The following SGCD variants were observed in gnomAD, a reference collection of about 807,000 sequenced individuals.
SGCD encodes delta-sarcoglycan.
Under a neutral mutation model 36.6 loss-of-function variants are expected in SGCD, and 18 were observed. The ratio of observed to expected loss-of-function variants is 0.49; its 90% CI spans 0.34 to 0.73. SGCD has a LOEUF of 0.73. Among genes scored for constraint, SGCD ranks in the 30% least tolerant of loss-of-function variants. SGCD has a pLI of 0.01. For missense variants in SGCD, 387 were observed against 346.7 expected (o/e 1.12, Z -0.92); for synonymous variants, 133 against 130.6 (o/e 1.02, Z -0.12).
chr5:155,796,593 C>CG, the SGCD span, among the ~76,000 whole-genome samples: 1 of 151,476 alleles, frequency 6.6e-6, no homozygotes, highest in African/African-American at 2.4e-5. Flanking sequence ...CACCTGAGGT[C>CG]GGGAGTTTGA....
intron 7 of SGCD, among the ~76,000 whole-genome samples, chr5:156,750,656 A>G (rs1031262221): frequency 1.3e-5 from 2 of 151,990 alleles, no homozygotes; most frequent in Admixed American, 6.6e-5. Flanking sequence ...CAGAAAAAAA[A>G]AAAAAAGAAA....
At chr5:156,643,076 AGGCT>A (rs562047649) in intron 6 of SGCD, among the ~76,000 whole-genome samples, 85 of 135,438 alleles carry the variant, frequency 6.3e-4, no homozygotes, top group African/African-American at 2.4e-3. Flanking sequence ...CTTGTTGCCC[AGGCT>A]GGAGTGCAAA....
In SGCD at chr5:156,229,345, A is replaced by C. The variant is rs187548013; in HGVS notation, c.-43-100189A>C. On this transcript the variant is annotated intron_variant, in intron 3 of 9. Coordinates refer to the SGCD transcript ENST00000517913. The stretch of plus-strand genomic sequence containing the variant: ...TTCTTCCCTCTAGAGAACTCTGACT[A>C]ATTCAGGTGGCTTGGTAGTGGTGAA... Among the ~76,000 whole-genome samples, 95 of 124,448 alleles carry C rather than the reference A, an allele frequency of 7.6e-4. 2 individuals are homozygous for C. In the East Asian group the frequency reaches 0.022, roughly 29 times the overall value. The allele number at this position is 124,448 out of a possible 152,430, so 81.6% of individuals were successfully genotyped here.
chr5:155,954,121 C>T (rs190233703), intron 1 of SGCD, among the ~76,000 whole-genome samples: 1 of 152,162 alleles, frequency 6.6e-6, no homozygotes, highest in Non-Finnish European at 1.5e-5. Flanking sequence ...TAAAACTTGA[C>T]TCTTCTCCAT....
At chr5:156,402,413 T>C (rs1384381113) in intron 3 of SGCD, among the ~76,000 whole-genome samples, 2 of 152,246 alleles carry the variant, frequency 1.3e-5, no homozygotes, top group African/African-American at 4.8e-5. Context: ...ATGCACACTC[T>C]GAAGGTTACG....
At chr5:156,142,552 G>A (rs1353628582) in intron 3 of SGCD, among the ~76,000 whole-genome samples, 1 of 152,174 alleles carries the variant, frequency 6.6e-6, no homozygotes, top group Non-Finnish European at 1.5e-5. Context: ...GATATTGACA[G>A]CGAAGTCCAG....
At chr5:155,778,507 G>C in the SGCD span, among the ~76,000 whole-genome samples, 10 of 152,182 alleles carry the variant, frequency 6.6e-5, no homozygotes, top group Non-Finnish European at 1.5e-4. Context: ...GCTACCAGTT[G>C]TGTGAACATT....
At chr5:156,168,840 C>T (rs1763273975) in intron 3 of SGCD, among the ~76,000 whole-genome samples, 1 of 152,210 alleles carries the variant, frequency 6.6e-6, no homozygotes, top group African/African-American at 2.4e-5. Context: ...TCAGGCTGAA[C>T]TCTCAAGAAG....
chr5:156,177,858 C>T (rs1046844157), intron 3 of SGCD, among the ~76,000 whole-genome samples: 6 of 152,054 alleles, frequency 3.9e-5, no homozygotes, highest in African/African-American at 1.4e-4. Context: ...ACCAATTTGA[C>T]AAGATACAGA....
intron 7 of SGCD, among the ~76,000 whole-genome samples, chr5:156,753,928 T>C (rs2113157625): frequency 6.6e-6 from 1 of 152,326 alleles, no homozygotes; most frequent in East Asian, 1.9e-4. Context: ...GACTAGCGTG[T>C]GAACAACTTC....
At chr5:156,670,184 G>C (rs760121901) in intron 7 of SGCD, among the ~76,000 whole-genome samples, 1 of 152,124 alleles carries the variant, frequency 6.6e-6, no homozygotes, top group Admixed American at 6.6e-5. Flanking sequence ...ATCATAATGA[G>C]AGGGTATAAA....
intron 3 of SGCD, among the ~76,000 whole-genome samples, chr5:156,137,277 T>A (rs1434147744): frequency 6.6e-6 from 1 of 152,212 alleles, no homozygotes; most frequent in Non-Finnish European, 1.5e-5. Context: ...AGCCAGCCAG[T>A]GCTGCAGCCC....
intron 7 of SGCD, among the ~76,000 whole-genome samples, chr5:156,732,014 A>C (rs1395198119): frequency 6.6e-6 from 1 of 151,972 alleles, no homozygotes. Flanking sequence ...TGTATTCTGA[A>C]GTTGCTTCTC....
rs139351407 is a variant in SGCD at position 156,346,549 on chromosome 5, C to G, written c.192+1872C>G. Among the ~76,000 whole-genome samples the G allele has an allele frequency of 4.6e-5, 7 of 152,278 alleles. No individual in the cohort carries two copies. The East Asian group carries it at 9.7e-4, about 21-fold the overall frequency. ...TCCTGACCTCAAGCAGTTCTCCTAC[C>G]TCAGCCTCTGACAGTGCTGGGATTA... is the stretch of plus-strand genomic sequence containing the variant. On this transcript the variant is annotated intron_variant, in intron 3 of 8. Transcript: ENST00000337851.
At chr5:156,017,405 CT>C (rs1759009067) in intron 1 of SGCD, among the ~76,000 whole-genome samples, 1 of 151,806 alleles carries the variant, frequency 6.6e-6, no homozygotes, top group African/African-American at 2.4e-5. Flanking sequence ...TAGATAAAAA[CT>C]TTTATGTTTA....
intron 3 of SGCD, among the ~76,000 whole-genome samples, chr5:156,266,534 G>C (rs12513679): frequency 0.16 from 24,263 of 152,142 alleles, 2,142 homozygotes; most frequent in Admixed American, 0.21. Flanking sequence ...CTCATGCTGG[G>C]TGAAGTAGCC....
intron 4 of SGCD, among the ~76,000 whole-genome samples, chr5:156,572,147 A>G (rs10069144): frequency 0.28 from 43,098 of 152,088 alleles, 6,434 homozygotes; most frequent in Non-Finnish European, 0.34. Context: ...TCATTAATCT[A>G]TTATTGGGCA....
At chr5:156,301,282 A>G (rs1009331977) in intron 3 of SGCD, among the ~76,000 whole-genome samples, 3 of 152,022 alleles carry the variant, frequency 2.0e-5, no homozygotes, top group Non-Finnish European at 4.4e-5. Flanking sequence ...ATTTGAGATT[A>G]CAATGAGGCT....
At chr5:156,527,811 C>T (rs1757706794) in intron 4 of SGCD, among the ~76,000 whole-genome samples, 1 of 152,214 alleles carries the variant, frequency 6.6e-6, no homozygotes, top group Non-Finnish European at 1.5e-5. Flanking sequence ...ATCTTCCTGT[C>T]ACCAGCCACA....
Sources: allele counts gnomAD v4.1 joint callset (sites outside exome capture counted in the v4.1 genomes callset), GRCh38; gene constraint gnomAD v4.1.1; transcripts MANE v1.5; gene names NCBI Gene and HGNC (gene_info 2026-07-23, HGNC 2026-07-21).